Variants in BMS1 observed in about 807,000 individuals in gnomAD.
BMS1 encodes the protein ribosome biogenesis protein BMS1 homolog.
Under a neutral mutation model 138.7 loss-of-function variants are expected in BMS1, and 53 were observed. The ratio of observed to expected loss-of-function variants is 0.38; its 90% CI spans 0.31 to 0.48. BMS1 has a LOEUF of 0.48. Ranked by LOEUF, BMS1 falls within the 20% of genes least tolerant of loss-of-function variation. BMS1 has a pLI of 0.97. For synonymous variants in BMS1, 504 were observed against 539.9 expected, an observed-to-expected ratio of 0.93 and a Z score of 0.92; for missense variants, 1,360 against 1,565.5, an observed-to-expected ratio of 0.87 and a Z score of 2.22.
At chr10:42,793,502 T>C (rs787799) in intron 8 of BMS1, among the ~76,000 whole-genome samples, 17,786 of 152,084 alleles carry the variant, frequency 0.12, 1,394 homozygotes, top group East Asian at 0.2. Context: ...TATTTTAAAG[T>C]GGATTTCAAA....
intron 19 of BMS1, 118 bp from the exon 20 acceptor site, chr10:42,823,000 T>C: frequency 9.2e-7 from 1 of 1,081,492 alleles, no homozygotes; most frequent in Non-Finnish European, 1.2e-6. Flanking sequence ...TTGTTTATTT[T>C]ATCACCCTTC....
chr10:42,801,275 A>T (rs979103214), intron 12 of BMS1, among the ~76,000 whole-genome samples: 7 of 152,224 alleles, frequency 4.6e-5, no homozygotes, highest in African/African-American at 1.7e-4. Context: ...CTGGAGAATT[A>T]TTCCTTGGTT....
chr10:42,821,140 C>T, intron 18 of BMS1, 148 bp downstream of exon 18: 4 of 692,068 alleles, frequency 5.8e-6, no homozygotes, highest in Middle Eastern at 4.1e-4. Flanking sequence ...CTTCCTACAT[C>T]GTTTTCAGTA....
chr10:42,816,328 T>G (rs558829031), intron 13 of BMS1, among the ~76,000 whole-genome samples: 44 of 152,140 alleles, frequency 2.9e-4, no homozygotes, highest in African/African-American at 1.0e-3. Context: ...CAAAAGAGTG[T>G]CCATTGTGTA....
chr10:42,789,086 G>A (rs779348258), intron 4 of BMS1, among the ~76,000 whole-genome samples: 1 of 152,208 alleles, frequency 6.6e-6, no homozygotes, highest in Non-Finnish European at 1.5e-5. Flanking sequence ...ACAGTACGTG[G>A]ATTTGGGTGT....
At chr10:42,798,978 A>AT (rs1564416255) in intron 12 of BMS1, among the ~76,000 whole-genome samples, 2 of 152,198 alleles carry the variant, frequency 1.3e-5, no homozygotes, top group Non-Finnish European at 2.9e-5. Flanking sequence ...AGTTTCTGCT[A>AT]TTTGTAAGCA....
intron 12 of BMS1, among the ~76,000 whole-genome samples, chr10:42,800,525 A>ATTTTTT (rs71533043): frequency 2.3e-5 from 3 of 131,320 alleles, no homozygotes; most frequent in Non-Finnish European, 3.3e-5. Flanking sequence ...TAAATGCTTG[A>ATTTTTT]TTTTTTTTTT....
rs1479508028 is a variant in BMS1 at position 42,797,018 on chromosome 10, G to A, written c.1774G>A (p.Asp592Asn). The A allele has an allele frequency of 6.2e-7, 1 of 1,614,178 alleles. No individual in the cohort carries two copies. The highest frequency in any genetic ancestry group is 8.5e-7 in the Non-Finnish European group (1 of 1,180,014). ...CTAEEVFASE[D>N]ESEESSSLSA... ...AGCTGAAGAGGTGTTTGCATCTGAA[G>A]ATGAATCTGAAGAAAGCTCCTCACT... Residue 592 changes from aspartate to asparagine, a missense_variant, in exon 10 of 23, where the codon GAT (aspartate) becomes AAT (asparagine). Transcript: ENST00000374518.
At chr10:42,827,295 A>T (rs1842675802) in intron 21 of BMS1, among the ~76,000 whole-genome samples, 2 of 152,168 alleles carry the variant, frequency 1.3e-5, no homozygotes, top group Non-Finnish European at 2.9e-5. Context: ...TGAGCCAAAT[A>T]AACCTTTTTT....
In BMS1 at chr10:42,833,198, C is replaced by T. The variant is rs1223492792; in HGVS notation, c.*2102C>T. On this transcript the variant is annotated 3_prime_UTR_variant, in exon 23 of 23. Coordinates refer to ENST00000374518, the MANE Select transcript of BMS1 (RefSeq NM_014753.4). ...ACTCATACCTGTTAATATTAAAAAT[C>T]TTGGTTTATCATATTTGGAGAACAA... 4 of 152,158 alleles carry T rather than the reference C, an allele frequency of 2.6e-5. No individual in the cohort carries two copies. Among genetic ancestry groups the T allele is most frequent in the South Asian group, 2.1e-4 (1 of 4,830 alleles). 9.4% of individuals were successfully genotyped at this position (152,158 alleles called of 1,614,324 possible). A position where few individuals can be genotyped will look rare whatever the true frequency, so the allele number is the denominator to read the frequency against.
chr10:42,791,953 T>C (rs1661240790), intron 6 of BMS1, among the ~76,000 whole-genome samples, 184 bp downstream of exon 6: 1 of 152,148 alleles, frequency 6.6e-6, no homozygotes, highest in Non-Finnish European at 1.5e-5. Context: ...AGTAAATTAA[T>C]TATGAGATGT....
intron 13 of BMS1, among the ~76,000 whole-genome samples, chr10:42,813,088 G>A (rs1450171348): frequency 6.6e-6 from 1 of 152,162 alleles, no homozygotes; most frequent in Non-Finnish European, 1.5e-5. Context: ...TACTTCATGA[G>A]ATATTAATAT....
At chr10:42,802,101 G>T (rs561076571) in intron 12 of BMS1, 36 bp from the exon 13 acceptor site, 1 of 1,556,898 alleles carries the variant, frequency 6.4e-7, no homozygotes, top group Non-Finnish European at 8.8e-7. Context: ...TGAGTGATTG[G>T]AACACCTCAC....
intron 2 of BMS1, among the ~76,000 whole-genome samples, chr10:42,785,143 T>G (rs1841286903): frequency 6.6e-6 from 1 of 152,204 alleles, no homozygotes; most frequent in Non-Finnish European, 1.5e-5. Context: ...TATGATGTAC[T>G]GCCTCGCTAT....
intron 13 of BMS1, among the ~76,000 whole-genome samples, chr10:42,807,035 A>ATGTGTG (rs749088296): frequency 2.0e-5 from 3 of 151,216 alleles, no homozygotes; most frequent in African/African-American, 7.3e-5. Context: ...AGTTTCACTT[A>ATGTGTG]TGTGTGTGTG....
At chr10:42,816,172 G>A (rs1262715258) in intron 13 of BMS1, among the ~76,000 whole-genome samples, 5 of 152,128 alleles carry the variant, frequency 3.3e-5, no homozygotes, top group African/African-American at 1.2e-4. Flanking sequence ...GGTGGCGGGT[G>A]CCTATAATCC....
intron 12 of BMS1, among the ~76,000 whole-genome samples, chr10:42,800,496 C>T (rs889643385): frequency 1.3e-5 from 2 of 151,622 alleles, no homozygotes; most frequent in African/African-American, 4.8e-5. Flanking sequence ...TTCGGTTATC[C>T]ACTGCCATAT....
In BMS1 at chr10:42,829,185, G is replaced by A. The variant is rs186662807; in HGVS notation, c.3457-1076G>A. Reference sequence around the variant, plus strand: ...AAATTAGCCAGGCGTGGTGGCGGGCGCCTGTAGTCCCAGCTACTCGGGAGG... The same window carrying A: ...AAATTAGCCAGGCGTGGTGGCGGGCACCTGTAGTCCCAGCTACTCGGGAGG... On this transcript the variant is annotated intron_variant, in intron 21 of 22. Coordinates refer to ENST00000374518, the MANE Select transcript of BMS1 (RefSeq NM_014753.4). Among the ~76,000 whole-genome samples, 1,021 of 152,120 alleles carry A rather than the reference G, an allele frequency of 6.7e-3. 7 individuals carry two copies. Among genetic ancestry groups the A allele is most frequent in the South Asian group, 0.012 (57 of 4,804 alleles).
rs1434073379 is a variant in BMS1, at chr10:42,817,414, G to C, written c.2500G>C (p.Glu834Gln). 1 of 1,609,554 alleles carries C rather than the reference G, an allele frequency of 6.2e-7. No individual in the cohort carries two copies. The highest frequency in any genetic ancestry group is 8.5e-7 in the Non-Finnish European group (1 of 1,179,318). The change falls in exon 15 of 23, where the codon GAG becomes CAG. Residue 834 changes from glutamate to glutamine, a missense_variant. Glu to Gln is a conservative substitution (Grantham distance 29). Around this residue, in one of 3 missense-constraint regions of BMS1, gnomAD observed 425 missense variants for 568.3 expected, o/e 0.75. Coordinates refer to ENST00000374518, the MANE Select transcript of BMS1 (RefSeq NM_014753.4). The part of the protein sequence containing the change: ...KHLDKKRKLK[E>Q]MFDAEYDEGE... ...TTTGGATAAGAAGAGAAAATTGAAGGAGATGTTTGATGCAGAATATGATGA... is the reference window on the plus strand; with the variant it reads ...TTTGGATAAGAAGAGAAAATTGAAGCAGATGTTTGATGCAGAATATGATGA...
Sources: gnomAD v4.1 joint callset for allele counts (sites outside exome capture counted in the v4.1 genomes callset) on GRCh38, gnomAD v4.1.1 for gene constraint, gnomAD v4.1.1 regional missense constraint, MANE v1.5 for transcripts, NCBI Gene and HGNC (gene_info 2026-07-23, HGNC 2026-07-21) for gene names.